CNTN3: variants seen among roughly 807,000 people sequenced by gnomAD.
CNTN3 encodes the protein contactin-3.
In CNTN3, 60 loss-of-function variants were observed where a neutral mutation model predicts 119.1. That is an observed-to-expected ratio of 0.50 (90% CI 0.41 to 0.62). CNTN3 has a LOEUF of 0.62. CNTN3 is among the 20% of genes least tolerant of loss of function. The pLI, the probability that CNTN3 is intolerant of heterozygous loss-of-function variation, is 0.00. For missense variants in CNTN3, 1,101 were observed against 1,242.4 expected (o/e 0.89, Z 1.71); for synonymous variants, 450 against 438.7 (o/e 1.03, Z -0.32).
chr3:74,473,261 T>C (rs910207040), intron 4 of CNTN3, among the ~76,000 whole-genome samples: 2 of 151,754 alleles, frequency 1.3e-5, no homozygotes, highest in Admixed American at 6.6e-5. Flanking sequence ...TATCTGGTTA[T>C]GTGAGGGGGT....
chr3:74,312,348 C>A (rs1465012002), intron 13 of CNTN3, among the ~76,000 whole-genome samples: 2 of 144,760 alleles, frequency 1.4e-5, no homozygotes, highest in Non-Finnish European at 3.0e-5. Flanking sequence ...CCCAGCTACT[C>A]GGGAGGCTGA....
At chr3:74,386,644 C>T (rs957879944) in intron 5 of CNTN3, among the ~76,000 whole-genome samples, 2 of 152,210 alleles carry the variant, frequency 1.3e-5, no homozygotes, top group African/African-American at 2.4e-5. Flanking sequence ...GTTCTGGTAT[C>T]TGCGAGCTCT....
intron 1 of CNTN3, among the ~76,000 whole-genome samples, chr3:74,579,887 A>G (rs1704475923): frequency 6.6e-6 from 1 of 151,754 alleles, no homozygotes; most frequent in African/African-American, 2.4e-5. Flanking sequence ...AATATATGTA[A>G]CAAACAAAAC....
intron 22 of CNTN3, among the ~76,000 whole-genome samples, chr3:74,265,927 C>T (rs1467280284): frequency 6.6e-6 from 1 of 152,106 alleles, no homozygotes; most frequent in African/African-American, 2.4e-5. Context: ...AAGTCTGTTT[C>T]CAACTCTAAA....
intron 5 of CNTN3, among the ~76,000 whole-genome samples, chr3:74,377,861 G>GT (rs1333538179): frequency 3.3e-5 from 5 of 152,086 alleles, no homozygotes; most frequent in African/African-American, 1.2e-4. Flanking sequence ...TGTCACTCTG[G>GT]TGTTTATCTG....
intron 2 of CNTN3, among the ~76,000 whole-genome samples, chr3:74,508,530 T>C (rs1028183397): frequency 3.3e-5 from 5 of 152,196 alleles, no homozygotes; most frequent in African/African-American, 1.2e-4. Flanking sequence ...ATTATCATCA[T>C]GATTAATTGT....
intron 13 of CNTN3, among the ~76,000 whole-genome samples, chr3:74,330,743 G>A (rs1014418038): frequency 6.6e-6 from 1 of 152,082 alleles, no homozygotes; most frequent in African/African-American, 2.4e-5. Context: ...AGTGAGACAT[G>A]CTGTGGAGGC....
chr3:74,384,569 T>C (rs1186037987), intron 5 of CNTN3, among the ~76,000 whole-genome samples: 1 of 152,198 alleles, frequency 6.6e-6, no homozygotes, highest in Non-Finnish European at 1.5e-5. Flanking sequence ...CAATATTACA[T>C]TTTCCATTTA....
chr3:74,419,869 C>T (rs903764788), intron 5 of CNTN3, among the ~76,000 whole-genome samples: 78 of 152,214 alleles, frequency 5.1e-4, no homozygotes, highest in African/African-American at 1.8e-3. Context: ...TTACTGAAAA[C>T]AGGGTAATTT....
intron 1 of CNTN3, among the ~76,000 whole-genome samples, chr3:74,536,258 G>T (rs1387020436): frequency 6.6e-6 from 1 of 152,068 alleles, no homozygotes; most frequent in African/African-American, 2.4e-5. Context: ...TTAGCCCTGT[G>T]TCAACAGGAT....
chr3:74,595,674 T>C lies in CNTN3; in HGVS notation c.-81+18717A>G, dbSNP rs573394477. On this transcript the variant is annotated intron_variant, in intron 1 of 22. Coordinates refer to ENST00000263665, the MANE Select transcript of CNTN3 (RefSeq NM_020872.3). ...CTAAAAACTCTCAATAAATTAGGTATTGATGGGACATATCTCAAAATAATA... is the reference window on the plus strand; with the variant it reads ...CTAAAAACTCTCAATAAATTAGGTACTGATGGGACATATCTCAAAATAATA... 6.6e-5 allele frequency among the ~76,000 whole-genome samples: 10 copies of C among 152,244 alleles called. No homozygotes were observed. In the South Asian group the frequency reaches 1.7e-3, roughly 25 times the overall value.
intron 11 of CNTN3, among the ~76,000 whole-genome samples, chr3:74,356,182 G>T (rs1703930529): frequency 6.6e-6 from 1 of 152,080 alleles, no homozygotes; most frequent in Non-Finnish European, 1.5e-5. Flanking sequence ...GCATCAGAGA[G>T]TGAGCCCTCA....
At chr3:74,369,087 C>T in intron 8 of CNTN3, 102 bp downstream of exon 8, 2 of 768,250 alleles carry the variant, frequency 2.6e-6, no homozygotes, top group Non-Finnish European at 3.7e-6. Flanking sequence ...ACAAGTTGAA[C>T]ATTGGGATTC....
chr3:74,410,628 G>A (rs1701422270), intron 5 of CNTN3, among the ~76,000 whole-genome samples: 1 of 152,116 alleles, frequency 6.6e-6, no homozygotes, highest in Admixed American at 6.6e-5. Flanking sequence ...AAACAGAATA[G>A]GCCTTCTTAA....
At chr3:74,348,114 C>A (rs980915569) in intron 11 of CNTN3, among the ~76,000 whole-genome samples, 2 of 152,122 alleles carry the variant, frequency 1.3e-5, no homozygotes, top group Admixed American at 1.3e-4. Context: ...TAGTATACAG[C>A]ATGGGAATTA....
intron 4 of CNTN3, among the ~76,000 whole-genome samples, chr3:74,485,760 T>C (rs1702844947): frequency 1.4e-5 from 2 of 147,082 alleles, no homozygotes; most frequent in Admixed American, 1.4e-4. Context: ...AAAGAGAAAA[T>C]AAGCAAAGAT....
chr3:74,459,206 C>T (rs1702321530), intron 4 of CNTN3, among the ~76,000 whole-genome samples: 1 of 151,768 alleles, frequency 6.6e-6, no homozygotes, highest in Non-Finnish European at 1.5e-5. Flanking sequence ...CCCATGTTGC[C>T]TCTTCCTACA....
intron 13 of CNTN3, among the ~76,000 whole-genome samples, chr3:74,316,189 A>G (rs1702826322): frequency 6.6e-6 from 1 of 152,252 alleles, no homozygotes; most frequent in Admixed American, 6.5e-5. Context: ...ATGAACAGAC[A>G]CTTTTCAAAA....
intron 1 of CNTN3, among the ~76,000 whole-genome samples, chr3:74,562,009 C>T (rs1362802953): frequency 6.6e-6 from 1 of 152,108 alleles, no homozygotes; most frequent in Non-Finnish European, 1.5e-5. Context: ...TTAGAAAAAA[C>T]TTACAGGAGG....
Sources: allele counts gnomAD v4.1 joint callset (sites outside exome capture counted in the v4.1 genomes callset), GRCh38; gene constraint gnomAD v4.1.1; transcripts MANE v1.5; gene names NCBI Gene and HGNC (gene_info 2026-07-23, HGNC 2026-07-21).